RNF150: variants seen among roughly 807,000 people sequenced by gnomAD.
RNF150 encodes the protein ring finger protein 150.
In RNF150, 24 loss-of-function variants were observed where a neutral mutation model predicts 39.3. That is an observed-to-expected ratio of 0.61 (90% CI 0.44 to 0.86). The LOEUF (loss-of-function observed/expected upper bound fraction) is 0.86. Ranked by LOEUF, RNF150 falls within the 40% of genes least tolerant of loss-of-function variation. The pLI is 0.00. For synonymous variants in RNF150, 255 were observed against 227.3 expected, an observed-to-expected ratio of 1.12 and a Z score of -1.10; for missense variants, 502 against 587.8, an observed-to-expected ratio of 0.85 and a Z score of 1.51.
chr4:140,997,405 G>A (rs1163868632), intron 1 of RNF150, among the ~76,000 whole-genome samples: 2 of 152,074 alleles, frequency 1.3e-5, no homozygotes, highest in Non-Finnish European at 2.9e-5. Flanking sequence ...GGTGGATCAT[G>A]AGGTCAGGAG....
intron 1 of RNF150, among the ~76,000 whole-genome samples, chr4:141,079,153 G>A (rs1242691053): frequency 6.6e-6 from 1 of 152,054 alleles, no homozygotes; most frequent in Non-Finnish European, 1.5e-5. Context: ...GTGATAAGGA[G>A]TATTTAGCTG....
chr4:141,164,322 C>G (rs868185593), intron 1 of RNF150, among the ~76,000 whole-genome samples: 2 of 151,986 alleles, frequency 1.3e-5, no homozygotes, highest in African/African-American at 4.8e-5. Flanking sequence ...ACCAAACCTA[C>G]GTTTGACTGG....
chr4:140,911,419 G>A (rs1359681896), intron 5 of RNF150, 65 bp from the exon 6 acceptor site: 1 of 1,338,008 alleles, frequency 7.5e-7, no homozygotes. Flanking sequence ...AATGTCTATA[G>A]CCTAAACATT....
intron 1 of RNF150, among the ~76,000 whole-genome samples, chr4:141,176,339 G>A (rs1727812216): frequency 6.6e-6 from 1 of 152,068 alleles, no homozygotes; most frequent in African/African-American, 2.4e-5. Context: ...TAAATCATGG[G>A]GACACAGACA....
chr4:141,002,099 C>T (rs570117656), intron 1 of RNF150, among the ~76,000 whole-genome samples: 1 of 151,810 alleles, frequency 6.6e-6, no homozygotes, highest in Non-Finnish European at 1.5e-5. Context: ...GTATGAGTTC[C>T]CAATTTAGGT....
intron 1 of RNF150, among the ~76,000 whole-genome samples, chr4:141,198,778 CA>C (rs60527395): frequency 6.6e-6 from 1 of 152,114 alleles, no homozygotes; most frequent in Non-Finnish European, 1.5e-5. Flanking sequence ...TCTCTGCCTT[CA>C]AAATAAATCT....
At chr4:140,884,722 C>T (rs1729499251) in intron 6 of RNF150, among the ~76,000 whole-genome samples, 1 of 152,130 alleles carries the variant, frequency 6.6e-6, no homozygotes, top group Admixed American at 6.5e-5. Context: ...TGCCTTGTTC[C>T]TGTCTGTGCT....
intron 5 of RNF150, among the ~76,000 whole-genome samples, chr4:140,912,863 G>GTGGGTTTA (rs1730659376): frequency 6.6e-6 from 1 of 151,310 alleles, no homozygotes; most frequent in African/African-American, 2.4e-5. Flanking sequence ...ACACGAGCAA[G>GTGGGTTTA]TGGGTTTATG....
intron 1 of RNF150, among the ~76,000 whole-genome samples, chr4:140,988,162 A>C (rs929167120): frequency 2.0e-5 from 3 of 152,176 alleles, no homozygotes; most frequent in African/African-American, 7.2e-5. Context: ...TGGGAGTGTA[A>C]ATTAGTTCAG....
At position 140,911,019 on chromosome 4, in the gene RNF150, C is replaced by T. The variant is rs1273728973; in HGVS notation, c.1198+125G>A. The T allele has an allele frequency of 5.2e-6, 4 of 767,268 alleles. No homozygotes were observed. In the East Asian group the frequency reaches 7.6e-5, roughly 15 times the overall value. The allele number at this position is 767,268 out of a possible 1,614,324, so 47.5% of individuals were successfully genotyped here. A position where few individuals can be genotyped will look rare whatever the true frequency, so the allele number is the denominator to read the frequency against. On this transcript the variant is annotated intron_variant, in intron 6 of 6. Transcript: ENST00000515673. The stretch of plus-strand genomic sequence containing the variant: ...TTCTTCTAACAGCTGGCAGTTATAA[C>T]TGATGAACCTAGCAATGATGTACTC...
intron 1 of RNF150, among the ~76,000 whole-genome samples, chr4:141,122,612 T>C (rs1726643838): frequency 6.6e-6 from 1 of 152,252 alleles, no homozygotes; most frequent in Admixed American, 6.5e-5. Context: ...TAGCTATATG[T>C]GAATGTTTAC....
chr4:140,945,000 A>T (rs897280455), intron 4 of RNF150, among the ~76,000 whole-genome samples: 4 of 152,242 alleles, frequency 2.6e-5, no homozygotes, highest in Non-Finnish European at 5.9e-5. Flanking sequence ...CATGGAAAAA[A>T]TGTATGAGCT....
At chr4:140,873,465 T>A (rs887712834) in intron 6 of RNF150, among the ~76,000 whole-genome samples, 1 of 152,156 alleles carries the variant, frequency 6.6e-6, no homozygotes, top group African/African-American at 2.4e-5. Context: ...TGGAAGAATA[T>A]AGTGTCATTG....
rs564996685 is a variant in RNF150, at chr4:140,976,254, C to G, written c.485-8381G>C. 1.6e-4 allele frequency among the ~76,000 whole-genome samples: 25 copies of G among 152,234 alleles called. No homozygotes were observed. In the East Asian group the frequency reaches 4.5e-3, roughly 27 times the overall value. Reference sequence around the variant, plus strand: ...TCATTACTTCTAGCCCCATCACATCCTCCTTCAAAAGCCACTCATCTTTTG... The same window carrying G: ...TCATTACTTCTAGCCCCATCACATCGTCCTTCAAAAGCCACTCATCTTTTG... On this transcript the variant is annotated intron_variant, in intron 1 of 6. Coordinates refer to ENST00000515673, the MANE Select transcript of RNF150 (RefSeq NM_020724.2).
chr4:140,927,263 T>C (rs948728697), intron 4 of RNF150, among the ~76,000 whole-genome samples: 1 of 152,216 alleles, frequency 6.6e-6, no homozygotes, highest in African/African-American at 2.4e-5. Flanking sequence ...GATGTGTTAT[T>C]ATGTTTCCAG....
At position 140,940,821 on chromosome 4, in the gene RNF150, C is replaced by T. The variant is rs139257310; in HGVS notation, c.890+6833G>A. Reference sequence around the variant, plus strand: ...ATAAATATAGCTAGCTGGCAATCCACGAGTGCTACTCTGGGCCATTCTGCC... The same window carrying T: ...ATAAATATAGCTAGCTGGCAATCCATGAGTGCTACTCTGGGCCATTCTGCC... On this transcript the variant is annotated intron_variant, in intron 4 of 6. Transcript: ENST00000515673. Among the ~76,000 whole-genome samples, 496 of 152,314 alleles carry T rather than the reference C, an allele frequency of 3.3e-3. 3 individuals are homozygous for T. Among genetic ancestry groups the T allele is most frequent in the African/African-American group, 8.4e-3 (348 of 41,586 alleles).
chr4:140,929,405 C>T (rs1363169320), intron 4 of RNF150, among the ~76,000 whole-genome samples: 2 of 126,688 alleles, frequency 1.6e-5, no homozygotes, highest in Admixed American at 9.8e-5. Flanking sequence ...CTTGCTCTGT[C>T]GCCCAGGCTG....
intron 1 of RNF150, among the ~76,000 whole-genome samples, chr4:141,174,547 A>G: frequency 6.6e-6 from 1 of 152,188 alleles, no homozygotes; most frequent in East Asian, 1.9e-4. Context: ...TGTGCTGTTG[A>G]CTTGGCAGAA....
chr4:141,203,914 T>C (rs538822079), intron 1 of RNF150, among the ~76,000 whole-genome samples: 68 of 152,052 alleles, frequency 4.5e-4, no homozygotes, highest in African/African-American at 1.6e-3. Context: ...GGGTAATGTT[T>C]CTGTTAAGAA....
Sources: allele counts gnomAD v4.1 joint callset (sites outside exome capture counted in the v4.1 genomes callset), GRCh38; gene constraint gnomAD v4.1.1; transcripts MANE v1.5; gene names NCBI Gene and HGNC (gene_info 2026-07-23, HGNC 2026-07-21).